TACR3: variants seen among roughly 807,000 people sequenced by gnomAD.
The protein encoded by TACR3 is neuromedin-K receptor.
TACR3 carries 34 observed loss-of-function variants against 35.0 expected under a neutral mutation model. That is an observed-to-expected ratio of 0.97 (90% confidence interval 0.74 to 1.30). TACR3 has a LOEUF of 1.30. Among genes scored for constraint, TACR3 ranks in the 50% most tolerant of loss-of-function variants. The probability of loss-of-function intolerance (pLI) is 0.00; values close to 1 mark genes in which losing one functional copy is unlikely to be tolerated. For missense variants in TACR3, 558 were observed against 591.7 expected, an observed-to-expected ratio of 0.94 and a Z score of 0.59; for synonymous variants, 233 against 221.1, an observed-to-expected ratio of 1.05 and a Z score of -0.48.
At chr4:103,688,203 A>C (rs559544515) in intron 1 of TACR3, among the ~76,000 whole-genome samples, 6 of 152,336 alleles carry the variant, frequency 3.9e-5, no homozygotes, top group Admixed American at 2.6e-4. Flanking sequence ...ATATGTAGAA[A>C]GCTGAAACTG....
chr4:103,676,253 T>C (rs966913263), intron 1 of TACR3, among the ~76,000 whole-genome samples: 5 of 152,072 alleles, frequency 3.3e-5, no homozygotes, highest in Non-Finnish European at 7.3e-5. Flanking sequence ...TGAATAATTG[T>C]TCACAAATGA....
At chr4:103,668,981 G>T (rs1578250384) in intron 1 of TACR3, among the ~76,000 whole-genome samples, 1 of 151,854 alleles carries the variant, frequency 6.6e-6, no homozygotes, top group East Asian at 1.9e-4. Flanking sequence ...CTTTGTGTTT[G>T]GAACATTCCA....
intron 1 of TACR3, among the ~76,000 whole-genome samples, chr4:103,704,061 G>A (rs756093492): frequency 9.7e-5 from 12 of 124,324 alleles, no homozygotes; most frequent in Admixed American, 2.2e-4. Context: ...CCGAGATTGC[G>A]CCCCTGCATT....
chr4:103,620,639 G>T (rs948893695), intron 3 of TACR3, among the ~76,000 whole-genome samples: 7 of 152,068 alleles, frequency 4.6e-5, no homozygotes, highest in Non-Finnish European at 8.8e-5. Context: ...ACAAACTAAT[G>T]CAGGAATAGA....
intron 1 of TACR3, among the ~76,000 whole-genome samples, chr4:103,669,976 T>G (rs1387885408): frequency 1.3e-5 from 2 of 152,060 alleles, no homozygotes; most frequent in East Asian, 3.9e-4. Flanking sequence ...TTTAATTAAT[T>G]TTTATTTGAT....
At chr4:103,622,403 T>C (rs953480498) in intron 3 of TACR3, among the ~76,000 whole-genome samples, 1 of 151,958 alleles carries the variant, frequency 6.6e-6, no homozygotes, top group African/African-American at 2.4e-5. Context: ...ATACAGAATA[T>C]TGGTAATGAG....
intron 3 of TACR3, among the ~76,000 whole-genome samples, chr4:103,629,150 A>G (rs1260427306): frequency 6.6e-6 from 1 of 152,214 alleles, no homozygotes; most frequent in Admixed American, 6.5e-5. Context: ...CAAAATAATC[A>G]GAGCTATTTA....
chr4:103,712,134 G>A (rs1722978971), intron 1 of TACR3, among the ~76,000 whole-genome samples: 1 of 152,026 alleles, frequency 6.6e-6, no homozygotes, highest in Non-Finnish European at 1.5e-5. Context: ...CACAGAATTG[G>A]AAAAAAACTA....
intron 3 of TACR3, among the ~76,000 whole-genome samples, chr4:103,644,815 T>C (rs1449683153): frequency 1.4e-5 from 2 of 145,694 alleles, no homozygotes; most frequent in Non-Finnish European, 3.0e-5. Context: ...AATAACAATA[T>C]TATTATGACA....
chr4:103,714,245 G>A (rs1326261274), intron 1 of TACR3, among the ~76,000 whole-genome samples: 1 of 152,060 alleles, frequency 6.6e-6, no homozygotes, highest in Non-Finnish European at 1.5e-5. Context: ...TTCTGTTGTG[G>A]TTAATATAAC....
rs1023121449 is a variant in TACR3 at position 103,712,180 on chromosome 4, G to A, written c.548+6948C>T. Among the ~76,000 whole-genome samples the A allele has an allele frequency of 1.6e-4, 25 of 152,152 alleles. No individual in the cohort carries two copies. In the East Asian group the frequency reaches 2.7e-3, roughly 17 times the overall value. The stretch of plus-strand genomic sequence containing the variant: ...CATATGGAACCAAAAAAGAGCCCGC[G>A]TTGCCAAGTCAATCCTTAGCCAAAA... On this transcript the variant is annotated intron_variant, in intron 1 of 4. Coordinates refer to ENST00000304883, the MANE Select transcript of TACR3 (RefSeq NM_001059.3).
At chr4:103,700,503 A>G (rs188672227) in intron 1 of TACR3, among the ~76,000 whole-genome samples, 4 of 152,330 alleles carry the variant, frequency 2.6e-5, no homozygotes, top group Non-Finnish European at 4.4e-5. Flanking sequence ...AAGAAACACT[A>G]CAAACACTGT....
At chr4:103,685,841 T>C (rs1333785507) in intron 1 of TACR3, among the ~76,000 whole-genome samples, 3 of 152,190 alleles carry the variant, frequency 2.0e-5, no homozygotes, top group African/African-American at 7.2e-5. Flanking sequence ...AGATTCCATG[T>C]CTACCTCTCC....
chr4:103,678,412 A>G (rs1433186115), intron 1 of TACR3, among the ~76,000 whole-genome samples: 1 of 152,166 alleles, frequency 6.6e-6, no homozygotes, highest in Non-Finnish European at 1.5e-5. Context: ...AAGTGGAATA[A>G]AGCAAGTATT....
chr4:103,699,963 T>C (rs1722607871), intron 1 of TACR3, among the ~76,000 whole-genome samples: 1 of 152,176 alleles, frequency 6.6e-6, no homozygotes, highest in Non-Finnish European at 1.5e-5. Context: ...ATATATAATT[T>C]CATGGAATTA....
At chr4:103,656,453 A>G in intron 2 of TACR3, 109 bp from the exon 3 acceptor site, 1 of 1,021,414 alleles carries the variant, frequency 9.8e-7, no homozygotes, top group Non-Finnish European at 1.5e-6. Context: ...AGTTATTTCT[A>G]CATTATCTCT....
intron 1 of TACR3, among the ~76,000 whole-genome samples, chr4:103,684,802 A>G (rs896296260): frequency 6.6e-6 from 1 of 152,040 alleles, no homozygotes; most frequent in Non-Finnish European, 1.5e-5. Flanking sequence ...CAGGAGCTCA[A>G]GACCAGCCTG....
At chr4:103,638,550 A>G (rs1179190120) in intron 3 of TACR3, among the ~76,000 whole-genome samples, 1 of 152,116 alleles carries the variant, frequency 6.6e-6, no homozygotes, top group Non-Finnish European at 1.5e-5. Context: ...CATGTCTAAA[A>G]CACCAAAAGC....
At chr4:103,629,521 G>A (rs1724993147) in intron 3 of TACR3, among the ~76,000 whole-genome samples, 1 of 152,072 alleles carries the variant, frequency 6.6e-6, no homozygotes, top group East Asian at 1.9e-4. Flanking sequence ...TCCAAATCAT[G>A]AGTGAACTCC....
Sources: allele counts gnomAD v4.1 joint callset (sites outside exome capture counted in the v4.1 genomes callset), GRCh38; gene constraint gnomAD v4.1.1; transcripts MANE v1.5; gene names NCBI Gene and HGNC (gene_info 2026-07-23, HGNC 2026-07-21).